The following DDX18 variants were observed in gnomAD, a reference collection of about 807,000 sequenced individuals.
The protein encoded by DDX18 is DEAD-box helicase 18.
DDX18 carries 23 observed loss-of-function variants against 73.5 expected under a neutral mutation model. That is an observed-to-expected ratio of 0.31 (90% confidence interval 0.23 to 0.44). The LOEUF is 0.44. DDX18 is among the 20% of genes least tolerant of loss of function. DDX18 has a pLI of 1.00. For synonymous variants in DDX18, 268 were observed against 282.7 expected (o/e 0.95, Z 0.52); for missense variants, 753 against 792.9 (o/e 0.95, Z 0.60).
rs772123832 is a variant in DDX18, at chr2:117,829,473, T to C, written c.1870+7T>C. ...CCTCCCTTCGTTGATCTGAGTATCC[T>C]TTTCTTTAATGAAGTTATCCTGTGA... On this transcript the variant is annotated splice_region_variant and intron_variant, in intron 13 of 13. Transcript: ENST00000263239. The C allele has an allele frequency of 1.2e-6, 2 of 1,600,598 alleles. No homozygotes were observed. Among genetic ancestry groups the C allele is most frequent in the South Asian group, 1.1e-5 (1 of 88,282 alleles).
chr2:117,829,445 G>T lies in DDX18; in HGVS notation c.1849G>T (p.Val617Leu). The change falls in exon 13 of 14, where the codon GTG (valine) becomes TTG (leucine). Residue 617 changes from valine (V) to leucine (L), a missense_variant. By Grantham distance (32) the Val-to-Leu change is conservative. Transcript: ENST00000263239. The stretch of plus-strand genomic sequence containing the variant: ...GGTTGCTCTGTCATTTGGTTTCAAG[G>T]TGCCTCCCTTCGTTGATCTGAGTAT... ...PQVALSFGFK[V>L]PPFVDLNVNS... 1 of 1,610,386 alleles carries T rather than the reference G, an allele frequency of 6.2e-7. No homozygotes were observed. The highest frequency in any genetic ancestry group is 1.1e-5 in the South Asian group (1 of 89,884).
At chr2:117,826,017 C>G (rs1017591475) in intron 10 of DDX18, 1 of 383,326 alleles carries the variant, frequency 2.6e-6, no homozygotes, top group African/African-American at 2.3e-5. Context: ...GCTGTTAATG[C>G]AAACATCATG....
rs1680013762 is a variant in DDX18 at position 117,830,961 on chromosome 2, G to T, written c.*237G>T. 6.3e-6 allele frequency: 3 copies of T among 475,394 alleles called. No homozygotes were observed. The highest frequency in any genetic ancestry group is 3.7e-6 in the Non-Finnish European group (1 of 271,118). 29.4% of individuals were successfully genotyped at this position (475,394 alleles called of 1,614,324 possible). On this transcript the variant is annotated 3_prime_UTR_variant, in exon 14 of 14. Coordinates refer to ENST00000263239, the MANE Select transcript of DDX18 (RefSeq NM_006773.4). ...AAGGGCAGAGCAAGGAATATCTGGT[G>T]TTTCTTGTGATGATAATATTTTAAT...
rs747672032 is a variant in DDX18 at position 117,825,549 on chromosome 2, A to G, written c.1471A>G (p.Ile491Val). The G allele has an allele frequency of 1.2e-6, 2 of 1,614,186 alleles. No homozygotes were observed. The highest frequency in any genetic ancestry group is 1.7e-6 in the Non-Finnish European group (2 of 1,180,000). Residue 491 changes from isoleucine to valine, a missense_variant, in exon 10 of 14, where the codon ATT becomes GTT. By Grantham distance (29) the Ile-to-Val change is conservative. Coordinates refer to ENST00000263239, the MANE Select transcript of DDX18 (RefSeq NM_006773.4). Reference sequence around the variant, plus strand: ...GGATGTGGCAGCGAGAGGACTAGACATTCCTGAAGTCGACTGGATTGTTCA... The same window carrying G: ...GGATGTGGCAGCGAGAGGACTAGACGTTCCTGAAGTCGACTGGATTGTTCA... ...CTDVAARGLD[I>V]PEVDWIVQYD... is the part of the protein sequence containing the mutation.
chr2:117,822,231 G>C lies in DDX18; in HGVS notation c.1036G>C (p.Glu346Gln), dbSNP rs1380201614. The C allele has an allele frequency of 9.3e-6, 15 of 1,613,222 alleles. No individual in the cohort carries two copies. Among genetic ancestry groups the C allele is most frequent in the Non-Finnish European group, 1.3e-5 (15 of 1,179,734 alleles). The change falls in exon 7 of 14, where the codon GAA (glutamate) becomes CAA (glutamine). Residue 346 changes from glutamate (E) to glutamine (Q), a missense_variant. This residue lies in a region of DDX18 where 402 missense variants were observed against 419.4 expected (regional missense o/e 0.96). Transcript: ENST00000263239. ...TATCTTGGATGTGGGGTTTGAAGAG[G>C]AATTAAAGCAAATTATTAAACTTTT... ...DRILDVGFEE[E>Q]LKQIIKLLPT...
rs1467034844 is a variant in DDX18, at chr2:117,830,902, G to T, written c.*178G>T. ...TATCACGTCTCTCTTTTATTTCTGG[G>T]ATATAAAACAGGCTTTAAGTTTCTT... On this transcript the variant is annotated 3_prime_UTR_variant, in exon 14 of 14. Transcript: ENST00000263239. The T allele has an allele frequency of 4.4e-6, 3 of 682,502 alleles. No homozygotes were observed. The highest frequency in any genetic ancestry group is 7.1e-6 in the Non-Finnish European group (3 of 423,838). The allele number at this position is 682,502 out of a possible 1,614,324, so 42.3% of individuals were successfully genotyped here.
intron 2 of DDX18, 59 bp downstream of exon 2, chr2:117,817,787 C>T (rs1679784386): frequency 6.6e-7 from 1 of 1,506,902 alleles, no homozygotes; most frequent in African/African-American, 1.4e-5. Flanking sequence ...GGTTATTGTT[C>T]CTCTTTCTAT....
chr2:117,817,292 C>A, intron 1 of DDX18, 152 bp from the exon 2 acceptor site: 2 of 732,898 alleles, frequency 2.7e-6, no homozygotes, highest in Non-Finnish European at 4.2e-6. Flanking sequence ...AAGGGAACAC[C>A]ATAAAACTAT....
intron 3 of DDX18, 131 bp downstream of exon 3, chr2:117,819,923 T>C: frequency 1.2e-6 from 1 of 808,900 alleles, no homozygotes; most frequent in Non-Finnish European, 1.7e-6. Context: ...AAACTTTTTT[T>C]ATATCTTTCT....
At chr2:117,825,731 C>A in intron 10 of DDX18, 132 bp downstream of exon 10, 1 of 1,118,820 alleles carries the variant, frequency 8.9e-7, no homozygotes. Flanking sequence ...TGCAGTATTT[C>A]TCTGGTATTG....
At chr2:117,830,544 T>A in intron 13 of DDX18, 38 bp from the exon 14 acceptor site, 1 of 1,602,140 alleles carries the variant, frequency 6.2e-7, no homozygotes, top group Non-Finnish European at 8.5e-7. Context: ...TGGAGTTCAT[T>A]ATCTTTTTTG....
chr2:117,821,645 T>C lies in DDX18; in HGVS notation c.651-5T>C, dbSNP rs1408791699. The C allele has an allele frequency of 5.6e-6, 9 of 1,613,762 alleles. No homozygotes were observed. The African/African-American group carries it at 6.7e-5, about 12-fold the overall frequency. ...GTCTTTCTCCTTTCCCTTTTTAATATTTAGGGATCTTCTAGCAGCTGCAAA... is the reference window on the plus strand; with the variant it reads ...GTCTTTCTCCTTTCCCTTTTTAATACTTAGGGATCTTCTAGCAGCTGCAAA... On this transcript the variant is annotated splice_region_variant and splice_polypyrimidine_tract_variant and intron_variant, in intron 4 of 13. Coordinates refer to ENST00000263239, the MANE Select transcript of DDX18 (RefSeq NM_006773.4).
intron 3 of DDX18, 112 bp from the exon 4 acceptor site, chr2:117,821,049 G>T: frequency 1.9e-6 from 2 of 1,037,154 alleles, no homozygotes; most frequent in Non-Finnish European, 2.7e-6. Flanking sequence ...TTAAGGTTTA[G>T]CCTTTTCTTA....
intron 11 of DDX18, chr2:117,827,635 G>C (rs903330461): frequency 6.6e-6 from 1 of 152,110 alleles, no homozygotes; most frequent in Non-Finnish European, 1.5e-5. Context: ...ATGGTTTCCC[G>C]TGTCATCCAT....
chr2:117,824,374 A>G, intron 7 of DDX18, 195 bp from the exon 8 acceptor site: 1 of 439,852 alleles, frequency 2.3e-6, no homozygotes, highest in Non-Finnish European at 3.7e-6. Context: ...GAGTTTGTCC[A>G]TTTCATCTAA....
chr2:117,830,118 C>T (rs899330500), intron 13 of DDX18, among the ~76,000 whole-genome samples: 3 of 152,148 alleles, frequency 2.0e-5, no homozygotes, highest in Non-Finnish European at 4.4e-5. Context: ...GGTCACCATC[C>T]CCATTGTCAG....
At chr2:117,826,130 T>G (rs1055422333) in intron 10 of DDX18, 139 bp from the exon 11 acceptor site, 26 of 383,132 alleles carry the variant, frequency 6.8e-5, no homozygotes, top group Non-Finnish European at 1.0e-4. Flanking sequence ...TTTGTGGGGG[T>G]GTGGTGAAGG....
chr2:117,817,850 A>G lies in DDX18; in HGVS notation c.370+122A>G, dbSNP rs907503258. 4.3e-5 allele frequency: 43 copies of G among 1,010,990 alleles called. No homozygotes were observed. In the East Asian group the frequency reaches 1.1e-3, roughly 26 times the overall value. The allele number at this position is 1,010,990 out of a possible 1,614,324, so 62.6% of individuals were successfully genotyped here. ...TTCCCTGTACTCACCAGTATGTTAG[A>G]GATTAGCCTGGTAGCTAATGGAAAC... is the stretch of plus-strand genomic sequence containing the variant. On this transcript the variant is annotated intron_variant, in intron 2 of 13. Transcript: ENST00000263239.
intron 11 of DDX18, 169 bp from the exon 12 acceptor site, chr2:117,828,780 C>G (rs1458784485): frequency 3.4e-6 from 2 of 595,124 alleles, no homozygotes; most frequent in African/African-American, 3.7e-5. Flanking sequence ...CCTAACTCAG[C>G]AGAGCAAAGA....
Sources: allele counts gnomAD v4.1 joint callset (sites outside exome capture counted in the v4.1 genomes callset), GRCh38; gene constraint gnomAD v4.1.1; regional missense constraint gnomAD v4.1.1; transcripts MANE v1.5; gene names NCBI Gene and HGNC (gene_info 2026-07-23, HGNC 2026-07-21).